Variants in CSMD1 observed in about 807,000 individuals in gnomAD.
CSMD1 encodes CUB and Sushi multiple domains 1, also known as CUB and sushi domain-containing protein 1.
In CSMD1, 213 loss-of-function variants were observed where a neutral mutation model predicts 417.5. That is an observed-to-expected ratio of 0.51 (90% CI 0.46 to 0.57). The LOEUF is 0.57. Among genes scored for constraint, CSMD1 ranks in the 20% least tolerant of loss-of-function variants. CSMD1 has a pLI of 0.00. For missense variants in CSMD1, 6,923 were observed against 4,529.7 expected, an observed-to-expected ratio of 1.53 and a Z score of -15.17; for synonymous variants, 2,862 against 1,736.8, an observed-to-expected ratio of 1.65 and a Z score of -16.11.
At chr8:4,500,227 G>A (rs1376044027) in intron 2 of CSMD1, among the ~76,000 whole-genome samples, 3 of 151,956 alleles carry the variant, frequency 2.0e-5, no homozygotes, top group African/African-American at 7.3e-5. Context: ...TTGGCTTAGT[G>A]AATATAAACA....
intron 3 of CSMD1, among the ~76,000 whole-genome samples, chr8:4,363,417 G>C (rs1034409567): frequency 7.2e-5 from 11 of 152,152 alleles, no homozygotes; most frequent in African/African-American, 2.2e-4. Flanking sequence ...CTGGCCTCCA[G>C]GATTTTATTC....
intron 1 of CSMD1, among the ~76,000 whole-genome samples, chr8:4,676,953 T>C (rs1017365069): frequency 3.4e-5 from 5 of 147,072 alleles, no homozygotes; most frequent in Admixed American, 1.4e-4. Context: ...AGAAATTATA[T>C]ATATCTATCA....
intron 3 of CSMD1, among the ~76,000 whole-genome samples, chr8:4,165,828 C>T (rs142746744): frequency 6.6e-6 from 1 of 152,192 alleles, no homozygotes; most frequent in Admixed American, 6.5e-5. Flanking sequence ...TAGGTTGTTG[C>T]AAAACTAATT....
intron 10 of CSMD1, among the ~76,000 whole-genome samples, chr8:3,510,472 C>A (rs1466027488): frequency 6.6e-6 from 1 of 151,872 alleles, no homozygotes; most frequent in Non-Finnish European, 1.5e-5. Flanking sequence ...CCCTCAATAT[C>A]ATCTTACAGG....
chr8:4,570,264 TG>T (rs780360629), intron 2 of CSMD1, among the ~76,000 whole-genome samples: 2 of 152,216 alleles, frequency 1.3e-5, no homozygotes, highest in South Asian at 4.1e-4. Context: ...TGTATGACAT[TG>T]GCTGTGGGTT....
chr8:4,107,665 T>A (rs1036933937), intron 3 of CSMD1, among the ~76,000 whole-genome samples: 1 of 152,146 alleles, frequency 6.6e-6, no homozygotes, highest in Non-Finnish European at 1.5e-5. Flanking sequence ...TGAAGTACAA[T>A]CCATCATCTG....
intron 10 of CSMD1, among the ~76,000 whole-genome samples, chr8:3,544,685 G>T (rs1359841344): frequency 2.6e-5 from 4 of 152,160 alleles, no homozygotes; most frequent in Non-Finnish European, 5.9e-5. Context: ...GAGCTATTCA[G>T]TGGGCAGGAG....
chr8:3,170,968 T>G (rs1274048468), intron 37 of CSMD1, among the ~76,000 whole-genome samples: 1 of 152,172 alleles, frequency 6.6e-6, no homozygotes, highest in South Asian at 2.1e-4. Context: ...GTTGAACCAC[T>G]GAAGGATTTT....
intron 6 of CSMD1, among the ~76,000 whole-genome samples, chr8:3,750,684 T>A (rs939095830): frequency 2.6e-5 from 4 of 152,156 alleles, no homozygotes; most frequent in African/African-American, 9.7e-5. Flanking sequence ...GTTTCACATT[T>A]GCCCTCTGAA....
intron 3 of CSMD1, among the ~76,000 whole-genome samples, chr8:4,170,453 C>T (rs1353137942): frequency 6.6e-6 from 1 of 151,822 alleles, no homozygotes; most frequent in Non-Finnish European, 1.5e-5. Context: ...TCCCCTTTTT[C>T]CTAATCTATA....
At chr8:3,709,601 CA>C (rs1251450714) in intron 6 of CSMD1, among the ~76,000 whole-genome samples, 5 of 148,928 alleles carry the variant, frequency 3.4e-5, no homozygotes, top group African/African-American at 1.2e-4. Context: ...GATGAAGGCC[CA>C]AATAGAACAA....
intron 7 of CSMD1, chr8:3,702,039 G>A (rs1057514567): frequency 6.6e-6 from 1 of 152,104 alleles, no homozygotes; most frequent in African/African-American, 2.4e-5. Flanking sequence ...GAGCAAGGAA[G>A]TGAACGTTTA....
intron 28 of CSMD1, among the ~76,000 whole-genome samples, chr8:3,220,216 A>C (rs1018145269): frequency 5.9e-5 from 9 of 151,786 alleles, no homozygotes; most frequent in Non-Finnish European, 8.8e-5. Context: ...TACAATGCCC[A>C]GAGTGTAACC....
At chr8:4,566,712 A>G (rs902605141) in intron 2 of CSMD1, among the ~76,000 whole-genome samples, 3 of 151,662 alleles carry the variant, frequency 2.0e-5, no homozygotes, top group Non-Finnish European at 4.4e-5. Flanking sequence ...TGGAATACAT[A>G]TATACAAACA....
intron 18 of CSMD1, among the ~76,000 whole-genome samples, chr8:3,382,045 G>C (rs1194104509): frequency 1.3e-5 from 2 of 152,056 alleles, no homozygotes; most frequent in African/African-American, 4.8e-5. Context: ...ATTACCTGAG[G>C]TCAGGAGTTC....
chr8:4,209,848 C>T (rs558122362), intron 3 of CSMD1, among the ~76,000 whole-genome samples: 7 of 152,236 alleles, frequency 4.6e-5, no homozygotes, highest in East Asian at 1.9e-4. Context: ...AAATAAGGAG[C>T]GGTTAATGCA....
At chr8:4,055,765 G>C (rs955851192) in intron 3 of CSMD1, among the ~76,000 whole-genome samples, 4 of 152,054 alleles carry the variant, frequency 2.6e-5, no homozygotes, top group Non-Finnish European at 4.4e-5. Flanking sequence ...ACTAGATACT[G>C]TATAAACAAA....
intron 12 of CSMD1, among the ~76,000 whole-genome samples, 189 bp downstream of exon 12, chr8:3,468,523 T>A (rs1816911083): frequency 1.3e-5 from 2 of 152,178 alleles, no homozygotes; most frequent in African/African-American, 4.8e-5. Flanking sequence ...CAAGCCGAGT[T>A]TTCAGAAGTT....
At chr8:3,227,447 T>C (rs1156657873) in intron 27 of CSMD1, among the ~76,000 whole-genome samples, 1 of 151,748 alleles carries the variant, frequency 6.6e-6, no homozygotes, top group Non-Finnish European at 1.5e-5. Context: ...AATATGCGAG[T>C]TTGTAGAAAT....
Sources: gnomAD v4.1 joint callset for allele counts (sites outside exome capture counted in the v4.1 genomes callset) on GRCh38, gnomAD v4.1.1 for gene constraint, MANE v1.5 for transcripts, NCBI Gene and HGNC (gene_info 2026-07-23, HGNC 2026-07-21) for gene names.